The following SLC6A9 variants were observed in gnomAD, a reference collection of about 807,000 sequenced individuals.
The protein encoded by SLC6A9 is solute carrier family 6 member 9, also known as sodium- and chloride-dependent glycine transporter 1.
In SLC6A9, 31 loss-of-function variants were observed where a neutral mutation model predicts 70.9. The ratio of observed to expected loss-of-function variants is 0.44; its 90% confidence interval spans 0.33 to 0.59. The LOEUF is 0.59. SLC6A9 is among the 20% of genes least tolerant of loss of function. The pLI is 0.04. For missense variants in SLC6A9, 631 were observed against 845.2 expected (o/e 0.75, Z 3.14); for synonymous variants, 310 against 341.3 (o/e 0.91, Z 1.01).
rs902946820 is a variant in SLC6A9, at chr1:44,018,321, G to C, written c.30+5927C>G. Among the ~76,000 whole-genome samples, 5 of 152,090 alleles carry C rather than the reference G, an allele frequency of 3.3e-5. No homozygotes were observed. Among genetic ancestry groups the C allele is most frequent in the Non-Finnish European group, 7.3e-5 (5 of 68,028 alleles). On this transcript the variant is annotated intron_variant, in intron 2 of 13. Transcript: ENST00000372310. This position sits in a 1 kb window ranked among gnomAD's most constrained non-coding sequence, Gnocchi z 4.2. ...AAAATTTAAAAACAGGGCCAGGTAC[G>C]GTGGCTCACGCCTGTAATCCCAGCA...
chr1:44,016,939 CT>C, intron 2 of SLC6A9: 2 of 1,160,344 alleles, frequency 1.7e-6, no homozygotes, highest in East Asian at 5.8e-5. Flanking sequence ...CTGGCTGTGC[CT>C]GCCCCTCCCT....
chr1:44,006,781 TC>T (rs1188380234), intron 5 of SLC6A9, among the ~76,000 whole-genome samples: 1 of 152,150 alleles, frequency 6.6e-6, no homozygotes, highest in Admixed American at 6.5e-5. Context: ...ATGCTCTGGG[TC>T]CTTGAGAATA....
At chr1:43,999,644 G>C (rs1301358760) in intron 12 of SLC6A9, among the ~76,000 whole-genome samples, 1 of 152,158 alleles carries the variant, frequency 6.6e-6, no homozygotes, top group Non-Finnish European at 1.5e-5. Flanking sequence ...AGTGGCCAGA[G>C]CGGGGAGCCT....
chr1:44,003,748 CAAA>C (rs34308293), intron 5 of SLC6A9, among the ~76,000 whole-genome samples: 12 of 71,964 alleles, frequency 1.7e-4, no homozygotes, highest in Admixed American at 4.7e-4. Context: ...AGTCCAATCT[CAAA>C]AAAAAAAAAA....
intron 2 of SLC6A9, chr1:44,015,732 G>T: frequency 2.0e-6 from 1 of 495,684 alleles, no homozygotes; most frequent in Non-Finnish European, 2.6e-6. Context: ...TGCAATGACA[G>T]AATCTTCTGT....
chr1:44,023,195 AC>A (rs1451384911), intron 2 of SLC6A9, among the ~76,000 whole-genome samples: 1 of 152,020 alleles, frequency 6.6e-6, no homozygotes, highest in East Asian at 1.9e-4. Flanking sequence ...CCAGGTCCCC[AC>A]CCCCGGCAGC....
chr1:44,025,506 A>AG (rs1246718241), intron 1 of SLC6A9, among the ~76,000 whole-genome samples: 1 of 151,920 alleles, frequency 6.6e-6, no homozygotes, highest in East Asian at 1.9e-4. Context: ...AAAAAAAAAA[A>AG]AAAGTTATCT....
chr1:44,018,732 G>A lies in SLC6A9; in HGVS notation c.30+5516C>T, dbSNP rs538968325. On this transcript the variant is annotated intron_variant, in intron 2 of 13. Transcript: ENST00000372310. The surrounding 1 kb of genome is among the most constrained non-coding windows in gnomAD (Gnocchi z 4.2). Reference sequence around the variant, plus strand: ...GCAGGAGGGTCGCTTGAGGTCAGGAGTTCATGACCAGCCTGGGCAACATAG... The same window carrying A: ...GCAGGAGGGTCGCTTGAGGTCAGGAATTCATGACCAGCCTGGGCAACATAG... 3.9e-5 allele frequency among the ~76,000 whole-genome samples: 6 copies of A among 152,086 alleles called. No homozygotes were observed. In the South Asian group the frequency reaches 8.3e-4, roughly 21 times the overall value.
chr1:44,024,355 C>T lies in SLC6A9; in HGVS notation c.-78G>A. 6.4e-7 allele frequency: 1 copy of T among 1,561,230 alleles called. No individual in the cohort carries two copies. Among genetic ancestry groups the T allele is most frequent in the Non-Finnish European group, 8.8e-7 (1 of 1,132,000 alleles). On this transcript the variant is annotated 5_prime_UTR_variant, in exon 2 of 14. Transcript: ENST00000372310. ...TTCCAGCGCCTTTCAGGCCACAGAT[C>T]TCAAGAGCTGTGGAGAGAGCAGAGG...
Position 44,018,508 on chromosome 1 carries a change from C to T in SLC6A9, c.30+5740G>A, listed in dbSNP as rs983937535. ...ACTCGGGAGGCTGAGGCGGGAGAAT[C>T]GCTTGAACCCGGGAGGTGGAGGTTG... On this transcript the variant is annotated intron_variant, in intron 2 of 13. Transcript: ENST00000372310. This position sits in a 1 kb window ranked among gnomAD's most constrained non-coding sequence, Gnocchi z 4.2. 5.3e-5 allele frequency among the ~76,000 whole-genome samples: 8 copies of T among 151,714 alleles called. No individual in the cohort carries two copies. Among genetic ancestry groups the T allele is most frequent in the African/African-American group, 1.5e-4 (6 of 41,268 alleles).
chr1:44,019,815 G>A (rs2154307141), intron 2 of SLC6A9, among the ~76,000 whole-genome samples: 1 of 152,364 alleles, frequency 6.6e-6, no homozygotes, highest in Non-Finnish European at 1.5e-5. Context: ...AGGAGGCTAG[G>A]GTCTTTGTTG....
At chr1:44,011,500 G>T in intron 2 of SLC6A9, 1 of 1,427,916 alleles carries the variant, frequency 7.0e-7, no homozygotes, top group South Asian at 1.2e-5. Context: ...GACTCTAGGT[G>T]GGAGGGTCCG....
intron 1 of SLC6A9, among the ~76,000 whole-genome samples, 183 bp downstream of exon 1, chr1:44,031,120 GCGT>G (rs1183624878): frequency 6.6e-6 from 1 of 151,934 alleles, no homozygotes; most frequent in African/African-American, 2.4e-5. Context: ...ACATCCCGGT[GCGT>G]GCACCCACAC....
At chr1:44,009,282 T>C (rs1173673523) in intron 4 of SLC6A9, among the ~76,000 whole-genome samples, 1 of 151,078 alleles carries the variant, frequency 6.6e-6, no homozygotes, top group Non-Finnish European at 1.5e-5. Flanking sequence ...TGCTGTGGCA[T>C]GATCTTGGCT....
chr1:44,001,091 A>G, intron 10 of SLC6A9, 36 bp from the exon 11 acceptor site: 2 of 1,605,468 alleles, frequency 1.2e-6, no homozygotes, highest in East Asian at 4.5e-5. Context: ...AGGCGCCTGC[A>G]GCCCGGGCTC....
intron 12 of SLC6A9, among the ~76,000 whole-genome samples, chr1:43,999,087 C>T (rs535644321): frequency 3.3e-5 from 5 of 152,150 alleles, no homozygotes; most frequent in Admixed American, 1.3e-4. Flanking sequence ...GGGGGACCCT[C>T]CGGAGACACT....
rs71307650 is a variant in SLC6A9 at position 44,022,722 on chromosome 1, C to CTTTTTT, written c.30+1520_30+1525dup. On this transcript the variant is annotated intron_variant, in intron 2 of 13. Coordinates refer to ENST00000372310, the MANE Select transcript of SLC6A9 (RefSeq NM_001024845.3). ...TTTTTCTTTCTTTCTTTCTTTCTTT[C>CTTTTTT]TTTTTTTTTTTTTTGAGACAGAGCC... Among the ~76,000 whole-genome samples, 11 of 118,958 alleles carry CTTTTTT rather than the reference C, an allele frequency of 9.2e-5. 3 individuals carry two copies. The highest frequency in any genetic ancestry group is 2.9e-4 in the Admixed American group (3 of 10,390). 78.0% of individuals were successfully genotyped at this position (118,958 alleles called of 152,430 possible).
chr1:44,024,142 C>T, intron 2 of SLC6A9, 106 bp downstream of exon 2: 5 of 1,169,408 alleles, frequency 4.3e-6, no homozygotes, highest in Non-Finnish European at 6.4e-6. Context: ...CACTCAGGAG[C>T]CCTGGCAGTG....
chr1:44,012,092 A>G (rs1024478059), intron 2 of SLC6A9, among the ~76,000 whole-genome samples: 25 of 152,224 alleles, frequency 1.6e-4, no homozygotes, highest in African/African-American at 4.1e-4. Context: ...CAGACCTGGC[A>G]TCAGAGATGG....
Sources: gnomAD v4.1 joint callset for allele counts (sites outside exome capture counted in the v4.1 genomes callset) on GRCh38, gnomAD v4.1.1 for gene constraint, Gnocchi (gnomAD v3.1) non-coding constraint, MANE v1.5 for transcripts, NCBI Gene and HGNC (gene_info 2026-07-23, HGNC 2026-07-21) for gene names.